Variants in LRRC69 observed in about 807,000 individuals in gnomAD.
The protein encoded by LRRC69 is leucine-rich repeat-containing protein 69.
LRRC69 carries 42 observed loss-of-function variants against 37.8 expected under a neutral mutation model. The ratio of observed to expected loss-of-function variants is 1.11; its 90% CI spans 0.87 to 1.44. The LOEUF (loss-of-function observed/expected upper bound fraction) is 1.44, where lower values mean the gene tolerates loss of function less well. Among genes scored for constraint, LRRC69 ranks in the 40% most tolerant of loss-of-function variants. The probability of loss-of-function intolerance (pLI) is 0.00; values close to 1 mark genes in which losing one functional copy is unlikely to be tolerated. For missense variants in LRRC69, 357 were observed against 401.9 expected (o/e 0.89, Z 0.96); for synonymous variants, 141 against 143.1 (o/e 0.99, Z 0.11).
chr8:91,113,000 A>C (rs1246623239), intron 1 of LRRC69, among the ~76,000 whole-genome samples: 1 of 152,006 alleles, frequency 6.6e-6, no homozygotes, highest in Non-Finnish European at 1.5e-5. Flanking sequence ...TAAAGTACTC[A>C]CAAACAACCA....
At chr8:91,138,515 G>A (rs982259822) in intron 5 of LRRC69, among the ~76,000 whole-genome samples, 6 of 149,090 alleles carry the variant, frequency 4.0e-5, no homozygotes, top group African/African-American at 1.5e-4. Flanking sequence ...TAAATTTGGT[G>A]TGCAATTTAG....
chr8:91,171,889 T>C (rs1563613464), intron 5 of LRRC69, among the ~76,000 whole-genome samples: 2 of 151,966 alleles, frequency 1.3e-5, no homozygotes, highest in Non-Finnish European at 2.9e-5. Context: ...TTCTTTACTA[T>C]TTTTCCATTT....
intron 5 of LRRC69, among the ~76,000 whole-genome samples, chr8:91,167,117 G>A (rs994762739): frequency 6.6e-6 from 1 of 151,812 alleles, no homozygotes; most frequent in African/African-American, 2.4e-5. Context: ...TACAGGAGCA[G>A]CAAAATAAGG....
intron 6 of LRRC69, among the ~76,000 whole-genome samples, chr8:91,197,816 C>G (rs926249829): frequency 6.6e-6 from 1 of 152,070 alleles, no homozygotes; most frequent in Non-Finnish European, 1.5e-5. Flanking sequence ...GTGTCGCTCA[C>G]GGTGGGAGCT....
intron 1 of LRRC69, among the ~76,000 whole-genome samples, chr8:91,112,450 A>G (rs1813424940): frequency 6.6e-6 from 1 of 152,064 alleles, no homozygotes; most frequent in Non-Finnish European, 1.5e-5. Flanking sequence ...AAATCAATCA[A>G]TGTGATATAA....
At chr8:91,133,401 G>A in intron 4 of LRRC69, 96 bp downstream of exon 4, 1 of 812,648 alleles carries the variant, frequency 1.2e-6, no homozygotes, top group Non-Finnish European at 1.8e-6. Flanking sequence ...CTGAGTATAA[G>A]CCACCACTTG....
At chr8:91,136,493 A>G (rs567594931) in intron 5 of LRRC69, among the ~76,000 whole-genome samples, 5 of 152,126 alleles carry the variant, frequency 3.3e-5, no homozygotes, top group South Asian at 2.1e-4. Context: ...TAGTTTTTAA[A>G]TTGTGGCAAA....
intron 1 of LRRC69, among the ~76,000 whole-genome samples, chr8:91,109,647 A>G (rs1813377909): frequency 6.6e-6 from 1 of 152,168 alleles, no homozygotes; most frequent in South Asian, 2.1e-4. Context: ...TAATGCCAGT[A>G]GAGAATCCTT....
At chr8:91,127,236 T>C in intron 3 of LRRC69, 76 bp downstream of exon 3, 2 of 1,088,800 alleles carry the variant, frequency 1.8e-6, no homozygotes, top group Non-Finnish European at 2.7e-6. Context: ...TTGAAAGCAT[T>C]ATGCCTAGCA....
At chr8:91,157,994 C>A in intron 5 of LRRC69, 1 of 1,349,646 alleles carries the variant, frequency 7.4e-7, no homozygotes. Flanking sequence ...TCTGGGAATT[C>A]TAGGTCTACA....
intron 6 of LRRC69, among the ~76,000 whole-genome samples, chr8:91,196,995 G>C (rs1809614720): frequency 6.6e-6 from 1 of 151,494 alleles, no homozygotes; most frequent in Non-Finnish European, 1.5e-5. Flanking sequence ...GGTCTTTGAT[G>C]ATGGTGATGT....
intron 7 of LRRC69, among the ~76,000 whole-genome samples, chr8:91,205,234 C>T (rs1325964161): frequency 6.6e-6 from 1 of 152,060 alleles, no homozygotes; most frequent in Non-Finnish European, 1.5e-5. Context: ...GTGGATAACA[C>T]AATATATGAG....
intron 5 of LRRC69, among the ~76,000 whole-genome samples, chr8:91,166,855 G>A (rs1197196962): frequency 1.3e-5 from 2 of 151,852 alleles, no homozygotes; most frequent in Middle Eastern, 3.2e-3. Context: ...GCTCAAGACT[G>A]CCAACCAAAC....
chr8:91,150,661 T>G (rs971078373), intron 5 of LRRC69, among the ~76,000 whole-genome samples: 3 of 151,334 alleles, frequency 2.0e-5, no homozygotes, highest in Non-Finnish European at 1.5e-5. Flanking sequence ...GAAGGAATGG[T>G]ACCAGCTCCT....
chr8:91,131,854 GTTC>G (rs1006863768), intron 3 of LRRC69, among the ~76,000 whole-genome samples: 22 of 151,814 alleles, frequency 1.4e-4, no homozygotes, highest in African/African-American at 5.3e-4. Context: ...TGCTAATCTG[GTTC>G]TTCTTCTACT....
intron 5 of LRRC69, among the ~76,000 whole-genome samples, chr8:91,137,298 G>C (rs945073255): frequency 1.3e-5 from 2 of 151,926 alleles, no homozygotes; most frequent in Non-Finnish European, 2.9e-5. Context: ...TGGTGCCACT[G>C]CTACTTCTAT....
chr8:91,158,302 C>G, intron 5 of LRRC69: 1 of 1,493,610 alleles, frequency 6.7e-7, no homozygotes, highest in South Asian at 1.1e-5. Context: ...TATTCAATCC[C>G]AGAAAGAAAC....
Position 91,124,727 on chromosome 8 carries a change from T to A in LRRC69, c.310+108T>A. 3 of 964,556 alleles carry A rather than the reference T, an allele frequency of 3.1e-6. 1 individual carries two copies. Among genetic ancestry groups the A allele is most frequent in the Non-Finnish European group, 3.0e-6 (2 of 670,118 alleles). The allele number at this position is 964,556 out of a possible 1,614,324, so 59.7% of individuals were successfully genotyped here. ...ATTTTGCATGTTTAATCTTTTTTTGTTGGAGATATTTACATACTACTCTTG... is the reference window on the plus strand; with the variant it reads ...ATTTTGCATGTTTAATCTTTTTTTGATGGAGATATTTACATACTACTCTTG... On this transcript the variant is annotated intron_variant, in intron 2 of 7. Coordinates refer to ENST00000448384, the Ensembl canonical transcript of LRRC69.
intron 5 of LRRC69, among the ~76,000 whole-genome samples, chr8:91,145,483 C>T (rs932431769): frequency 6.6e-6 from 1 of 151,664 alleles, no homozygotes; most frequent in Non-Finnish European, 1.5e-5. Flanking sequence ...AAAAGTATAC[C>T]CTATTCTTGA....
Sources: allele counts gnomAD v4.1 joint callset (sites outside exome capture counted in the v4.1 genomes callset), GRCh38; gene constraint gnomAD v4.1.1; transcripts MANE v1.5; gene names NCBI Gene and HGNC (gene_info 2026-07-23, HGNC 2026-07-21).